The following MBD1 variants were observed in gnomAD, a reference collection of about 807,000 sequenced individuals.
The protein encoded by MBD1 is methyl-CpG binding domain protein 1, also known as methyl-CpG-binding domain protein 1.
MBD1 carries 25 observed loss-of-function variants against 82.6 expected under a neutral mutation model. The ratio of observed to expected loss-of-function variants is 0.30; its 90% confidence interval spans 0.22 to 0.42. The LOEUF is 0.42. Ranked by LOEUF, MBD1 falls within the 10% of genes least tolerant of loss-of-function variation. The probability of loss-of-function intolerance (pLI) is 1.00; values close to 1 mark genes in which losing one functional copy is unlikely to be tolerated. For missense variants in MBD1, 627 were observed against 819.6 expected (o/e 0.76, Z 2.87); for synonymous variants, 301 against 303.7 (o/e 0.99, Z 0.09).
rs2034597263 is a variant in MBD1, at chr18:50,269,557, CAGGCCTGCAGCT to C, written c.*282_*293del. 1.4e-6 allele frequency: 1 copy of C among 718,310 alleles called. No individual in the cohort carries two copies. The highest frequency in any genetic ancestry group is 2.6e-6 in the Non-Finnish European group (1 of 385,446). The allele number at this position is 718,310 out of a possible 1,614,324, so 44.5% of individuals were successfully genotyped here. A position where few individuals can be genotyped will look rare whatever the true frequency, so the allele number is the denominator to read the frequency against. ...TGTGGGCAGTAGTCAGGCCTGCAGC[CAGGCCTGCAGCT>C]GCTCCACCTTCCCCAGGATCATCCT... On this transcript the variant is annotated 3_prime_UTR_variant, in exon 17 of 17. Transcript: ENST00000269468.
Position 50,281,477 on chromosome 18 carries a change from C to G in MBD1, c.-140G>C. ...CCCCTTCCTCCTCCTCCGCGGCCGC[C>G]TCCTCTGAAGCGGTAGCTGTCGCCT... On this transcript the variant is annotated 5_prime_UTR_variant, in exon 1 of 17. Coordinates refer to ENST00000269468, the MANE Select transcript of MBD1 (RefSeq NM_015846.4). The G allele has an allele frequency of 1.7e-6, 1 of 594,560 alleles. No homozygotes were observed. The highest frequency in any genetic ancestry group is 3.0e-6 in the Non-Finnish European group (1 of 333,632). 36.8% of individuals were successfully genotyped at this position (594,560 alleles called of 1,614,324 possible). A position where few individuals can be genotyped will look rare whatever the true frequency, so the allele number is the denominator to read the frequency against.
At chr18:50,268,349 G>A (rs2034199815), downstream of MBD1, among the ~76,000 whole-genome samples, 3 of 152,248 alleles carry the variant, frequency 2.0e-5, no homozygotes, top group South Asian at 6.2e-4. Flanking sequence ...GGCGACACCC[G>A]GCCGCACTCG....
intron 16 of MBD1, chr18:50,270,661 G>A (rs145453378): frequency 0.011 from 2,832 of 250,740 alleles, 17 homozygotes; most frequent in Non-Finnish European, 0.015. Context: ...AGCACCTGGG[G>A]TCTGCAGGAA....
rs764705604 is a variant in MBD1 at position 50,280,025 on chromosome 18, G to T, written c.-25-8C>A. On this transcript the variant is annotated splice_polypyrimidine_tract_variant and splice_region_variant and intron_variant, in intron 1 of 16. Transcript: ENST00000269468. ...ACAGGAAGCAGCAGTAGCCTGAAAG[G>T]GGGTGGAAGGGATGAGGGAAACTGA... 6.3e-7 allele frequency: 1 copy of T among 1,597,218 alleles called. No homozygotes were observed. Among genetic ancestry groups the T allele is most frequent in the South Asian group, 1.1e-5 (1 of 90,540 alleles).
rs747759305 is a variant in MBD1 at position 50,274,277 on chromosome 18, C to T, written c.1055G>A (p.Arg352His). 4.0e-5 allele frequency: 65 copies of T among 1,613,794 alleles called. No individual in the cohort carries two copies. Among genetic ancestry groups the T allele is most frequent in the Middle Eastern group, 1.6e-4 (1 of 6,072 alleles). Residue 352 changes from arginine (R) to histidine (H), a missense_variant, in exon 11 of 17, where the codon CGC becomes CAC. Around this residue, in one of 6 missense-constraint regions of MBD1, gnomAD observed 228 missense variants for 318.1 expected, o/e 0.72. Transcript: ENST00000269468. ...AACLRRMDCG[R>H]CDFCCDKPKF... ...GGGCTTGTCGCAGCAGAAGTCGCAG[C>T]GGCCACAGTCCATCCGCCGTAGGCA...
At position 50,269,814 on chromosome 18, in the gene MBD1, G is replaced by C. The variant is rs1433539178; in HGVS notation, c.*37C>G. 2 of 795,478 alleles carry C rather than the reference G, an allele frequency of 2.5e-6. No individual in the cohort carries two copies. The highest frequency in any genetic ancestry group is 4.4e-4 in the Middle Eastern group (2 of 4,498). The allele number at this position is 795,478 out of a possible 1,614,324, so 49.3% of individuals were successfully genotyped here. On this transcript the variant is annotated 3_prime_UTR_variant, in exon 17 of 17. Coordinates refer to ENST00000269468, the MANE Select transcript of MBD1 (RefSeq NM_015846.4). Reference sequence around the variant, plus strand: ...TCTTCCCTTCCCGAGTGCCTGCCCTGCAGACTTCAAGCTCCAGCATTAGAT... The same window carrying C: ...TCTTCCCTTCCCGAGTGCCTGCCCTCCAGACTTCAAGCTCCAGCATTAGAT...
Position 50,279,797 on chromosome 18 carries a change from T to G in MBD1, c.110+86A>C. 3.8e-6 allele frequency: 6 copies of G among 1,561,952 alleles called. No homozygotes were observed. In the South Asian group the frequency reaches 6.7e-5, roughly 18 times the overall value. ...TAACTGTATGTGCATAATTTAAACT[T>G]CATCCATAAATTTAACCACACCATT... On this transcript the variant is annotated intron_variant, in intron 2 of 16. Coordinates refer to ENST00000269468, the MANE Select transcript of MBD1 (RefSeq NM_015846.4).
At position 50,269,581 on chromosome 18, in the gene MBD1, C is replaced by T. The variant is rs2034601679; in HGVS notation, c.*270G>A. The T allele has an allele frequency of 1.4e-5, 10 of 718,732 alleles. No individual in the cohort carries two copies. In the East Asian group the frequency reaches 1.6e-4, roughly 12 times the overall value. 44.5% of individuals were successfully genotyped at this position (718,732 alleles called of 1,614,324 possible). ...CCAGGCCTGCAGCTGCTCCACCTTCCCCAGGATCATCCTTTCAGCTTCTCT... is the reference window on the plus strand; with the variant it reads ...CCAGGCCTGCAGCTGCTCCACCTTCTCCAGGATCATCCTTTCAGCTTCTCT... On this transcript the variant is annotated 3_prime_UTR_variant, in exon 17 of 17. Coordinates refer to ENST00000269468, the MANE Select transcript of MBD1 (RefSeq NM_015846.4).
At chr18:50,275,566 C>G (rs1248452799) in intron 8 of MBD1, 34 bp downstream of exon 8, 4 of 1,613,964 alleles carry the variant, frequency 2.5e-6, no homozygotes, top group Admixed American at 3.3e-5. Context: ...ATTTTAACAG[C>G]AGAATGAGCT....
chr18:50,274,094 C>G, intron 11 of MBD1, 92 bp downstream of exon 11: 1 of 1,551,274 alleles, frequency 6.4e-7, no homozygotes, highest in Non-Finnish European at 8.9e-7. Context: ...ACTGCCCCAC[C>G]CACCCACCTA....
intron 16 of MBD1, chr18:50,270,204 G>C (rs767370686): frequency 6.5e-7 from 1 of 1,544,778 alleles, no homozygotes; most frequent in South Asian, 1.1e-5. Context: ...GACAGAACTG[G>C]GAAATGGCTA....
rs2144922895 is a variant in MBD1, at chr18:50,269,361, T to C, written c.*490A>G. ...TGTGTCACCTTGGTGAGGCTATGTT[T>C]CCCGGAACTCTCTTCCAGTAAGATG... On this transcript the variant is annotated 3_prime_UTR_variant, in exon 17 of 17. Transcript: ENST00000269468. 1 of 1,316,002 alleles carries C rather than the reference T, an allele frequency of 7.6e-7. No homozygotes were observed. Among genetic ancestry groups the C allele is most frequent in the African/African-American group, 1.5e-5 (1 of 67,356 alleles). The allele number at this position is 1,316,002 out of a possible 1,614,324, so 81.5% of individuals were successfully genotyped here.
Position 50,273,688 on chromosome 18 carries a change from T to A in MBD1, c.1322A>T (p.Gln441Leu). The A allele has an allele frequency of 9.9e-6, 16 of 1,614,122 alleles. No homozygotes were observed. Among genetic ancestry groups the A allele is most frequent in the Non-Finnish European group, 1.4e-5 (16 of 1,180,036 alleles). Reference sequence around the variant, plus strand: ...CAGCACAAAGCCACCACCTGCTTCCTGCTTCGTTGGAGCCTGGGTATGGTC... The same window carrying A: ...CAGCACAAAGCCACCACCTGCTTCCAGCTTCGTTGGAGCCTGGGTATGGTC... Reference protein sequence around the residue: ...QPDHTQAPTKQEAGGGFVLPP... With the variant: ...QPDHTQAPTKLEAGGGFVLPP... The change falls in exon 12 of 17, where the codon CAG becomes CTG. Residue 441 changes from glutamine (Q) to leucine (L), a missense_variant. Gln to Leu is a moderately radical substitution (Grantham distance 113, BLOSUM62 -2). Transcript: ENST00000269468.
chr18:50,277,317 A>C, intron 2 of MBD1, 113 bp from the exon 3 acceptor site: 2 of 611,646 alleles, frequency 3.3e-6, no homozygotes, highest in Non-Finnish European at 5.5e-6. Flanking sequence ...TTGGCTTGTG[A>C]GCCCTGCCCA....
At chr18:50,276,004 G>A in intron 6 of MBD1, 23 bp from the exon 7 acceptor site, 1 of 1,606,664 alleles carries the variant, frequency 6.2e-7, no homozygotes, top group Non-Finnish European at 8.5e-7. Flanking sequence ...GTAGGGACGA[G>A]ATCACGGGCC....
chr18:50,268,452 A>T (rs776181640), downstream of MBD1, among the ~76,000 whole-genome samples: 22 of 152,222 alleles, frequency 1.4e-4, no homozygotes, highest in Non-Finnish European at 2.6e-4. Flanking sequence ...CTATTTGAAG[A>T]GGGGGACTCA....
downstream of MBD1, among the ~76,000 whole-genome samples, chr18:50,268,223 A>C (rs1190806415): frequency 6.6e-6 from 1 of 151,844 alleles, no homozygotes; most frequent in African/African-American, 2.4e-5. Flanking sequence ...CTTGGGCCCG[A>C]AGTACGGCTT....
At position 50,275,659 on chromosome 18, in the gene MBD1, G is replaced by A. The variant is rs1166108651; in HGVS notation, c.733C>T (p.Arg245Cys). The change falls in exon 8 of 17, where the codon CGC becomes TGC. Residue 245 changes from arginine (R) to cysteine (C), a missense_variant. Coordinates refer to ENST00000269468, the MANE Select transcript of MBD1 (RefSeq NM_015846.4). ...EDCGHCPICL[R>C]PPRPGLRRQW... ...CGCCTGAGACCAGGGCGGGGAGGGC[G>A]AAGGCAGATGGGGCAATGGCCACAA... The A allele has an allele frequency of 3.7e-6, 6 of 1,614,076 alleles. No homozygotes were observed. Among genetic ancestry groups the A allele is most frequent in the South Asian group, 1.1e-5 (1 of 91,088 alleles).
At chr18:50,280,379 C>T (rs907448816) in intron 1 of MBD1, among the ~76,000 whole-genome samples, 2 of 151,834 alleles carry the variant, frequency 1.3e-5, no homozygotes, top group African/African-American at 4.8e-5. Context: ...GGCCTCTATC[C>T]CTCTATTTTA....
Sources: allele counts gnomAD v4.1 joint callset (sites outside exome capture counted in the v4.1 genomes callset), GRCh38; gene constraint gnomAD v4.1.1; regional missense constraint gnomAD v4.1.1; transcripts MANE v1.5; gene names NCBI Gene and HGNC (gene_info 2026-07-23, HGNC 2026-07-21).